Variants in SLC25A41 observed in about 807,000 individuals in gnomAD.
SLC25A41 encodes solute carrier family 25 member 41, also known as mitochondrial carrier protein SCaMC-3L.
Under a neutral mutation model 34.7 loss-of-function variants are expected in SLC25A41, and 35 were observed. The observed-to-expected ratio is 1.01, with a 90% CI of 0.77 to 1.34. The LOEUF is 1.34. Ranked by LOEUF, SLC25A41 falls within the 40% of genes most tolerant of loss-of-function variation. SLC25A41 has a pLI of 0.00. For synonymous variants in SLC25A41, 190 were observed against 209.9 expected (o/e 0.91, Z 0.82); for missense variants, 492 against 489.8 (o/e 1.00, Z -0.04).
upstream of SLC25A41, among the ~76,000 whole-genome samples, chr19:6,434,726 T>C (rs2092300810): frequency 6.6e-6 from 1 of 151,974 alleles, no homozygotes; most frequent in South Asian, 2.1e-4. Flanking sequence ...CTGACTAACA[T>C]AGTGAAACCC....
chr19:6,432,491 T>C (rs2092290165), intron 1 of SLC25A41, among the ~76,000 whole-genome samples: 1 of 148,630 alleles, frequency 6.7e-6, no homozygotes, highest in South Asian at 2.1e-4. Context: ...TTTTTTTTTT[T>C]TTTTTTTTTT....
chr19:6,431,963 T>G (rs2092287152), intron 2 of SLC25A41, 86 bp downstream of exon 2: 7 of 1,498,222 alleles, frequency 4.7e-6, no homozygotes, highest in Non-Finnish European at 6.3e-6. Context: ...CTGAACTCCA[T>G]CCACGTCAAC....
Position 6,429,091 on chromosome 19 carries a change from TATGTTAC to T in SLC25A41, c.624+626_624+632del, listed in dbSNP as rs1252290618. Among the ~76,000 whole-genome samples, 11 of 41,284 alleles carry T rather than the reference TATGTTAC, an allele frequency of 2.7e-4. 3 individuals are homozygous for T. Among genetic ancestry groups the T allele is most frequent in the African/African-American group, 1.7e-3 (11 of 6,378 alleles). 27.1% of individuals were successfully genotyped at this position (41,284 alleles called of 152,430 possible). ...ATATATATAATATATATATTATATA[TATGTTAC>T]ATATATATATAATATATATATTATA... is the stretch of plus-strand genomic sequence containing the variant. On this transcript the variant is annotated intron_variant, in intron 4 of 6. Coordinates refer to ENST00000321510, the MANE Select transcript of SLC25A41 (RefSeq NM_173637.4).
chr19:6,426,369 T>C lies in SLC25A41; in HGVS notation c.*20A>G, dbSNP rs1172633347. ...CCTCCTGTCCCATTTCTGCCTAGGC[T>C]GTGTCGTCCAGCTCACAGCCTATAT... is the stretch of plus-strand genomic sequence containing the variant. On this transcript the variant is annotated 3_prime_UTR_variant, in exon 7 of 7. Coordinates refer to ENST00000321510, the MANE Select transcript of SLC25A41 (RefSeq NM_173637.4). 1.2e-6 allele frequency: 2 copies of C among 1,605,086 alleles called. No individual in the cohort carries two copies. Among genetic ancestry groups the C allele is most frequent in the East Asian group, 4.5e-5 (2 of 44,570 alleles).
chr19:6,427,032 A>G lies in SLC25A41; in HGVS notation c.940+71T>C. On this transcript the variant is annotated intron_variant, in intron 6 of 6. Transcript: ENST00000321510. This position sits in a 1 kb window ranked among gnomAD's most constrained non-coding sequence, Gnocchi z 4.9. ...AGGGTGCCGGACTCAGTTTTGGGGT[A>G]TGAGAAAATTGAGACAGCCAGGGTG... 6.6e-7 allele frequency: 1 copy of G among 1,504,968 alleles called. No individual in the cohort carries two copies. Among genetic ancestry groups the G allele is most frequent in the Non-Finnish European group, 9.0e-7 (1 of 1,112,826 alleles). The allele number at this position is 1,504,968 out of a possible 1,614,324, so 93.2% of individuals were successfully genotyped here.
chr19:6,433,612 T>G lies in SLC25A41; in HGVS notation c.82A>C (p.Lys28Gln). 6.2e-7 allele frequency: 1 copy of G among 1,612,068 alleles called. No homozygotes were observed. Among genetic ancestry groups the G allele is most frequent in the Non-Finnish European group, 8.5e-7 (1 of 1,178,998 alleles). ...GGAGGTTGGGGGGGAGGCGGGGCTT[T>G]GATGAGTAAGGTCTTGACCCTCCTA... ...LFRRVKTLLIKAPPPPQPPPP... is the reference protein window; with the variant it reads ...LFRRVKTLLIQAPPPPQPPPP... Residue 28 changes from lysine (K) to glutamine (Q), a missense_variant, in exon 1 of 7, where the codon AAA becomes CAA. Lys to Gln is a moderately conservative substitution (Grantham distance 53, BLOSUM62 1). Coordinates refer to ENST00000321510, the MANE Select transcript of SLC25A41 (RefSeq NM_173637.4).
In SLC25A41 at chr19:6,430,268, ACCCATCCCCAT is replaced by A. The variant is rs960212056; in HGVS notation, c.364-118_364-108del. The A allele has an allele frequency of 2.2e-5, 27 of 1,253,074 alleles. No individual in the cohort carries two copies. In the African/African-American group the frequency reaches 3.7e-4, roughly 17 times the overall value. The allele number at this position is 1,253,074 out of a possible 1,614,324, so 77.6% of individuals were successfully genotyped here. ...GGACCTCCCAAGCCACCCAACCCCA[ACCCATCCCCAT>A]CCCATCCCCATTCCTTCTTCAGCTC... On this transcript the variant is annotated intron_variant, in intron 2 of 6. Coordinates refer to ENST00000321510, the MANE Select transcript of SLC25A41 (RefSeq NM_173637.4).
upstream of SLC25A41, among the ~76,000 whole-genome samples, chr19:6,435,263 G>C (rs2092304484): frequency 6.7e-6 from 1 of 149,686 alleles, no homozygotes; most frequent in Non-Finnish European, 1.5e-5. Flanking sequence ...AATTAAGGTT[G>C]CTAAACAGCT....
chr19:6,434,242 C>T (rs958486474), upstream of SLC25A41, among the ~76,000 whole-genome samples: 8 of 152,156 alleles, frequency 5.3e-5, no homozygotes, highest in African/African-American at 1.2e-4. Flanking sequence ...TGCTTCCGGC[C>T]GCAAAATTCT....
At position 6,433,550 on chromosome 19, in the gene SLC25A41, G is replaced by C. The variant is rs763207346; in HGVS notation, c.144C>G (p.His48Gln). Reference protein sequence around the residue: ...PPPSWNPGCTHVYGYAFGHMH... With the variant: ...PPPSWNPGCTQVYGYAFGHMH... ...TGTGGCCAAACGCGTACCCATACAC[G>C]TGTGTACAGCCAGGGTTCCAGGATG... is the stretch of plus-strand genomic sequence containing the variant. The change falls in exon 1 of 7, where the codon CAC becomes CAG. Residue 48 changes from histidine to glutamine, a missense_variant. His to Gln is a conservative substitution (Grantham distance 24, BLOSUM62 0). Transcript: ENST00000321510. The C allele has an allele frequency of 1.2e-6, 2 of 1,613,216 alleles. No individual in the cohort carries two copies. Among genetic ancestry groups the C allele is most frequent in the Admixed American group, 3.3e-5 (2 of 59,926 alleles).
chr19:6,433,814 C>A, upstream of SLC25A41: 1 of 829,330 alleles, frequency 1.2e-6, no homozygotes. Context: ...AAGTCACAAA[C>A]GCCCCTGTGA....
intron 6 of SLC25A41, 124 bp downstream of exon 6, chr19:6,426,979 A>G: frequency 9.0e-7 from 1 of 1,111,272 alleles, no homozygotes; most frequent in Non-Finnish European, 1.3e-6. Flanking sequence ...CTCAAAAGTT[A>G]TCAAAAGTGG....
Position 6,427,463 on chromosome 19 carries a change from C to A in SLC25A41, c.663G>T (p.Gln221His). The change falls in exon 5 of 7, where the codon CAG becomes CAT. Residue 221 changes from glutamine to histidine, a missense_variant. Physicochemically the swap from Gln to His is conservative, Grantham distance 24. Transcript: ENST00000321510. The surrounding 1 kb of genome is among the most constrained non-coding windows in gnomAD (Gnocchi z 4.9). ...KTRLTLRRTGQYKGLLDCARQ... is the reference protein window; with the variant it reads ...KTRLTLRRTGHYKGLLDCARQ... ...TGGCGCAGTCCAGCAGCCCCTTGTA[C>A]TGGCCCGTCCGACGCAAGGTCAACC... 1 of 1,580,434 alleles carries A rather than the reference C, an allele frequency of 6.3e-7. No homozygotes were observed.
chr19:6,426,953 A>T (rs2092244696), intron 6 of SLC25A41, 150 bp downstream of exon 6: 3 of 868,562 alleles, frequency 3.5e-6, no homozygotes, highest in African/African-American at 1.7e-5. Context: ...TTATATATAT[A>T]TTTTTGAGAC....
At position 6,427,594 on chromosome 19, in the gene SLC25A41, A is replaced by G. The variant is rs888517996; in HGVS notation, c.625-93T>C. 6 of 1,356,492 alleles carry G rather than the reference A, an allele frequency of 4.4e-6. No homozygotes were observed. In the South Asian group the frequency reaches 5.1e-5, roughly 12 times the overall value. 84.0% of individuals were successfully genotyped at this position (1,356,492 alleles called of 1,614,324 possible). On this transcript the variant is annotated intron_variant, in intron 4 of 6. Coordinates refer to ENST00000321510, the MANE Select transcript of SLC25A41 (RefSeq NM_173637.4). This position sits in a 1 kb window ranked among gnomAD's most constrained non-coding sequence, Gnocchi z 4.9. ...TGTCCCCACCCTACAAACAAGGAAA[A>G]TGAGGCTCAGGAAGGCAAAGAGCTG...
At position 6,432,093 on chromosome 19, in the gene SLC25A41, G is replaced by A. The variant is rs760166402; in HGVS notation, c.319C>T (p.Arg107Cys). The A allele has an allele frequency of 1.3e-5, 21 of 1,613,856 alleles. 1 individual carries two copies. In the East Asian group the frequency reaches 2.7e-4, roughly 21 times the overall value. Residue 107 changes from arginine to cysteine, a missense_variant, in exon 2 of 7, where the codon CGC (arginine) becomes TGC (cysteine). Physicochemically the swap from Arg to Cys is radical, Grantham distance 180. Transcript: ENST00000321510. ...CTGTCCAGAGGTGCCGTGCCCGTGC[G>A]AGACACCGCCCCGGCCATAGCTCCT... is the stretch of plus-strand genomic sequence containing the variant. ...LSGAMAGAVSRTGTAPLDRAK... is the reference protein window; with the variant it reads ...LSGAMAGAVSCTGTAPLDRAK...
At position 6,430,087 on chromosome 19, in the gene SLC25A41, G is replaced by C; in HGVS notation, c.438C>G (p.Arg146=). 6.2e-7 allele frequency: 1 copy of C among 1,613,504 alleles called. No homozygotes were observed. Among genetic ancestry groups the C allele is most frequent in the Non-Finnish European group, 8.5e-7 (1 of 1,179,716 alleles). ...TGATGCCGTTGCCCCGCCACAGGGAGCGGAAGCCGCCCTCCTGGACCATGC... is the reference window on the plus strand; with the variant it reads ...TGATGCCGTTGCCCCGCCACAGGGACCGGAAGCCGCCCTCCTGGACCATGC... ...LQSMVQEGGF[R]SLWRGNGINV... Residue 146 remains arginine, a synonymous_variant, in exon 3 of 7, where the codon CGC becomes CGG. Coordinates refer to ENST00000321510, the MANE Select transcript of SLC25A41 (RefSeq NM_173637.4).
chr19:6,430,003 C>T lies in SLC25A41; in HGVS notation c.516+6G>A, dbSNP rs2092277669. 6.2e-7 allele frequency: 1 copy of T among 1,610,964 alleles called. No homozygotes were observed. Reference sequence around the variant, plus strand: ...AGCTGGGGGAAGCAGGCCCCTCATTCCCCACCTGCTCGAATACGGAGAACT... The same window carrying T: ...AGCTGGGGGAAGCAGGCCCCTCATTTCCCACCTGCTCGAATACGGAGAACT... On this transcript the variant is annotated splice_donor_region_variant and intron_variant, in intron 3 of 6. Transcript: ENST00000321510.
At chr19:6,435,595 A>G (rs137925468), upstream of SLC25A41, among the ~76,000 whole-genome samples, 2 of 151,622 alleles carry the variant, frequency 1.3e-5, no homozygotes, top group African/African-American at 4.8e-5. Context: ...GGTGGTGCAT[A>G]CCTGTAATCC....
Sources: allele counts gnomAD v4.1 joint callset (sites outside exome capture counted in the v4.1 genomes callset), GRCh38; gene constraint gnomAD v4.1.1; non-coding constraint Gnocchi (gnomAD v3.1); transcripts MANE v1.5; gene names NCBI Gene and HGNC (gene_info 2026-07-23, HGNC 2026-07-21).